The following KIRREL1 variants were observed in gnomAD, a reference collection of about 807,000 sequenced individuals.
KIRREL1 encodes kin of IRRE-like protein 1.
A neutral mutation model predicts 83.3 loss-of-function variants in KIRREL1; 25 were observed. The ratio of observed to expected loss-of-function variants is 0.30; its 90% CI spans 0.22 to 0.42. The LOEUF is 0.42. Among genes scored for constraint, KIRREL1 ranks in the 10% least tolerant of loss-of-function variants. The pLI is 1.00. For synonymous variants in KIRREL1, 388 were observed against 410.4 expected, an observed-to-expected ratio of 0.95 and a Z score of 0.66; for missense variants, 812 against 1,032.3, an observed-to-expected ratio of 0.79 and a Z score of 2.92.
At chr1:158,024,521 C>T (rs1315065937) in intron 1 of KIRREL1, among the ~76,000 whole-genome samples, 1 of 151,956 alleles carries the variant, frequency 6.6e-6, no homozygotes. Flanking sequence ...TCAGGTGATC[C>T]ACCCACCTCC....
intron 1 of KIRREL1, among the ~76,000 whole-genome samples, chr1:158,011,935 C>T (rs551956674): frequency 6.6e-6 from 1 of 152,162 alleles, no homozygotes; most frequent in South Asian, 2.1e-4. Context: ...CAATGTTGAG[C>T]TCTCAGTTTC....
chr1:158,012,246 C>T (rs1470927260), intron 1 of KIRREL1, among the ~76,000 whole-genome samples: 2 of 152,150 alleles, frequency 1.3e-5, no homozygotes, highest in Non-Finnish European at 2.9e-5. Context: ...TTGGTTTATT[C>T]AGTAGTAAAA....
At chr1:158,042,858 G>A (rs1450805460) in intron 1 of KIRREL1, among the ~76,000 whole-genome samples, 3 of 150,738 alleles carry the variant, frequency 2.0e-5, no homozygotes, top group African/African-American at 7.3e-5. Flanking sequence ...AGGATCATGA[G>A]GTCAGGAGAT....
chr1:158,034,280 A>AAG (rs1387293157), intron 1 of KIRREL1, among the ~76,000 whole-genome samples: 1 of 131,372 alleles, frequency 7.6e-6, no homozygotes, highest in Non-Finnish European at 1.7e-5. Context: ...AAAAAAAAAA[A>AAG]AAAAAAGAAA....
At chr1:158,089,362 A>G in intron 8 of KIRREL1, 140 bp from the exon 9 acceptor site, 1 of 1,355,212 alleles carries the variant, frequency 7.4e-7, no homozygotes. Flanking sequence ...ACCAAAATGG[A>G]CTCGGGAACC....
chr1:158,011,224 C>A (rs372511100), intron 1 of KIRREL1, among the ~76,000 whole-genome samples: 2 of 152,228 alleles, frequency 1.3e-5, no homozygotes, highest in African/African-American at 4.8e-5. Flanking sequence ...GGTTTTCAAG[C>A]ACTGACCTTT....
chr1:157,997,372 G>A (rs1222787513), intron 1 of KIRREL1, among the ~76,000 whole-genome samples: 2 of 152,180 alleles, frequency 1.3e-5, no homozygotes, highest in African/African-American at 4.8e-5. Flanking sequence ...GAAGTGCTCA[G>A]TAAATGCTTG....
At chr1:158,028,138 C>CTGCCGGAA (rs1333777065) in intron 1 of KIRREL1, among the ~76,000 whole-genome samples, 3 of 152,212 alleles carry the variant, frequency 2.0e-5, no homozygotes, top group Non-Finnish European at 4.4e-5. Context: ...GCCACTGTCT[C>CTGCCGGAA]TGCCGGAATG....
chr1:158,030,484 C>T (rs1421784998), intron 1 of KIRREL1, among the ~76,000 whole-genome samples: 1 of 152,154 alleles, frequency 6.6e-6, no homozygotes, highest in Non-Finnish European at 1.5e-5. Context: ...GAACCTGCTC[C>T]CCAGGGAGCC....
chr1:158,086,628 C>T lies in KIRREL1; in HGVS notation c.543C>T (p.Thr181=), dbSNP rs1371881555. 2.2e-5 allele frequency: 34 copies of T among 1,551,912 alleles called. No individual in the cohort carries two copies. The highest frequency in any genetic ancestry group is 4.8e-5 in the South Asian group (4 of 84,038). ...ELLKDGKRET[T]VSQLLINPTD... ...TGAAGGATGGGAAGAGGGAGACCAC[C>T]GTGAGCCAACTGCTTATTAACCCCA... The change falls in exon 5 of 15, where the codon ACC becomes ACT. Residue 181 remains threonine, a synonymous_variant. Transcript: ENST00000359209.
intron 1 of KIRREL1, among the ~76,000 whole-genome samples, chr1:158,000,435 G>T (rs970682272): frequency 6.6e-6 from 1 of 152,196 alleles, no homozygotes; most frequent in Admixed American, 6.5e-5. Flanking sequence ...AAACTGTGAA[G>T]TTATGAAAGT....
In KIRREL1 at chr1:158,095,939, G is replaced by A. The variant is rs1662345013; in HGVS notation, c.*819G>A. On this transcript the variant is annotated 3_prime_UTR_variant, in exon 15 of 15. Coordinates refer to ENST00000359209, the MANE Select transcript of KIRREL1 (RefSeq NM_018240.7). The stretch of plus-strand genomic sequence containing the variant: ...TGCACAGCAGTGAACCAACACTAGA[G>A]GGAGCCACACAAGCCTCCTCTCCCC... 6.5e-6 allele frequency: 1 copy of A among 154,688 alleles called. No individual in the cohort carries two copies. Among genetic ancestry groups the A allele is most frequent in the African/African-American group, 2.4e-5 (1 of 41,444 alleles). The allele number at this position is 154,688 out of a possible 1,614,324, so 9.6% of individuals were successfully genotyped here.
In KIRREL1 at chr1:158,084,297, A is replaced by G. The variant is rs186105687; in HGVS notation, c.353-125A>G. On this transcript the variant is annotated intron_variant, in intron 3 of 14. Coordinates refer to ENST00000359209, the MANE Select transcript of KIRREL1 (RefSeq NM_018240.7). Reference sequence around the variant, plus strand: ...AGACAGTGGTTGTAGATTAGGGGGTAGGGTGGTACCGCCTACCTAGAGGCG... The same window carrying G: ...AGACAGTGGTTGTAGATTAGGGGGTGGGGTGGTACCGCCTACCTAGAGGCG... The G allele has an allele frequency of 2.7e-4, 225 of 821,014 alleles. 1 individual carries two copies. In the African/African-American group the frequency reaches 3.4e-3, roughly 13 times the overall value. The allele number at this position is 821,014 out of a possible 1,614,324, so 50.9% of individuals were successfully genotyped here.
chr1:158,081,434 C>T (rs1314443082), intron 3 of KIRREL1, among the ~76,000 whole-genome samples: 1 of 152,186 alleles, frequency 6.6e-6, no homozygotes, highest in African/African-American at 2.4e-5. Context: ...ATCCCACCAC[C>T]ATTTACAGTT....
intron 1 of KIRREL1, among the ~76,000 whole-genome samples, chr1:158,025,101 T>C (rs1660130567): frequency 6.6e-6 from 1 of 152,176 alleles, no homozygotes. Context: ...GACCTGTCAC[T>C]GGGTCTCACA....
At chr1:158,014,418 C>T (rs776137385) in intron 1 of KIRREL1, among the ~76,000 whole-genome samples, 5 of 151,996 alleles carry the variant, frequency 3.3e-5, no homozygotes, top group Non-Finnish European at 7.4e-5. Context: ...AGTAACCGGC[C>T]GCAGGTTCCA....
chr1:158,003,177 CT>C lies in KIRREL1; in HGVS notation c.52+9453del, dbSNP rs1375960920. Among the ~76,000 whole-genome samples the C allele has an allele frequency of 2.0e-5, 3 of 152,128 alleles. No homozygotes were observed. The East Asian group carries it at 5.8e-4, about 29-fold the overall frequency. On this transcript the variant is annotated intron_variant, in intron 1 of 14. Transcript: ENST00000359209. ...CCCAGCATTGTCAAGCCATGAGTTGCTTTTAACTGCTTCTTCCCATTCGATT... is the reference window on the plus strand; with the variant it reads ...CCCAGCATTGTCAAGCCATGAGTTGCTTTAACTGCTTCTTCCCATTCGATT...
intron 3 of KIRREL1, 143 bp from the exon 4 acceptor site, chr1:158,084,279 G>A: frequency 1.5e-6 from 1 of 681,034 alleles, no homozygotes; most frequent in South Asian, 2.1e-5. Context: ...TGAAGACAGT[G>A]GTTGTAGATT....
In KIRREL1 at chr1:158,096,584, T is replaced by C. The variant is rs1331396794; in HGVS notation, c.*1464T>C. 2.2e-6 allele frequency: 1 copy of C among 456,892 alleles called. No individual in the cohort carries two copies. Among genetic ancestry groups the C allele is most frequent in the Non-Finnish European group, 4.4e-6 (1 of 227,040 alleles). The allele number at this position is 456,892 out of a possible 1,614,324, so 28.3% of individuals were successfully genotyped here. On this transcript the variant is annotated 3_prime_UTR_variant, in exon 15 of 15. Transcript: ENST00000359209. The stretch of plus-strand genomic sequence containing the variant: ...GGAAATGGCCCTGACAGAGAACTTG[T>C]GCTGACCGGGAGAAGGTGGTGCGGA...
Sources: gnomAD v4.1 joint callset for allele counts (sites outside exome capture counted in the v4.1 genomes callset) on GRCh38, gnomAD v4.1.1 for gene constraint, MANE v1.5 for transcripts, NCBI Gene and HGNC (gene_info 2026-07-23, HGNC 2026-07-21) for gene names.